CAMKMT: variants seen among roughly 807,000 people sequenced by gnomAD.
CAMKMT encodes calmodulin-lysine N-methyltransferase, also known as CaM KMT.
Under a neutral mutation model 48.0 loss-of-function variants are expected in CAMKMT, and 53 were observed. That is an observed-to-expected ratio of 1.10 (90% CI 0.89 to 1.39). The LOEUF is 1.39. Among genes scored for constraint, CAMKMT ranks in the 40% most tolerant of loss-of-function variants. The probability of loss-of-function intolerance (pLI) is 0.00; values close to 1 mark genes in which losing one functional copy is unlikely to be tolerated. For synonymous variants in CAMKMT, 165 were observed against 152.3 expected (o/e 1.08, Z -0.61); for missense variants, 428 against 402.7 (o/e 1.06, Z -0.54).
intron 3 of CAMKMT, among the ~76,000 whole-genome samples, chr2:44,566,261 C>T (rs1208981438): frequency 6.6e-6 from 1 of 152,144 alleles, no homozygotes; most frequent in Non-Finnish European, 1.5e-5. Flanking sequence ...CATGATGAAG[C>T]AGCAAGCCAA....
At chr2:44,381,757 A>G (rs1053125184) in intron 2 of CAMKMT, among the ~76,000 whole-genome samples, 1 of 152,188 alleles carries the variant, frequency 6.6e-6, no homozygotes, top group Non-Finnish European at 1.5e-5. Context: ...CAGTTCTTTA[A>G]TAAAAGGAAT....
At chr2:44,574,184 T>G (rs1165551536) in intron 3 of CAMKMT, among the ~76,000 whole-genome samples, 1 of 152,200 alleles carries the variant, frequency 6.6e-6, no homozygotes, top group Non-Finnish European at 1.5e-5. Context: ...GAAACGGCTA[T>G]TATACAATGC....
chr2:44,431,713 A>G (rs574311814), intron 3 of CAMKMT, among the ~76,000 whole-genome samples: 8 of 152,182 alleles, frequency 5.3e-5, no homozygotes, highest in African/African-American at 1.9e-4. Flanking sequence ...CTCACATTCT[A>G]TTGTTGAGAT....
chr2:44,487,384 T>C (rs961348645), intron 3 of CAMKMT, among the ~76,000 whole-genome samples: 1 of 152,232 alleles, frequency 6.6e-6, no homozygotes, highest in Non-Finnish European at 1.5e-5. Flanking sequence ...GAGTTTTTAG[T>C]ATTTGTTTAT....
intron 3 of CAMKMT, among the ~76,000 whole-genome samples, chr2:44,682,729 G>A (rs77904807): frequency 3.3e-4 from 50 of 152,210 alleles, no homozygotes; most frequent in African/African-American, 1.1e-3. Context: ...ATCGAGAAAC[G>A]TTGAAAATAT....
chr2:44,484,498 T>C (rs1669118606), intron 3 of CAMKMT, among the ~76,000 whole-genome samples: 1 of 152,014 alleles, frequency 6.6e-6, no homozygotes, highest in Non-Finnish European at 1.5e-5. Context: ...TTTAATAAAA[T>C]ATTCTGATTC....
intron 3 of CAMKMT, among the ~76,000 whole-genome samples, chr2:44,603,997 C>A (rs1671145784): frequency 6.6e-6 from 1 of 152,166 alleles, no homozygotes; most frequent in East Asian, 1.9e-4. Context: ...AATTGCTTAC[C>A]TCTTTCTCCT....
chr2:44,469,438 T>G (rs547441337), intron 3 of CAMKMT, among the ~76,000 whole-genome samples: 63 of 152,262 alleles, frequency 4.1e-4, no homozygotes, highest in Admixed American at 3.7e-3. Context: ...TGCGTAGCTT[T>G]AAGTATATTT....
intron 3 of CAMKMT, among the ~76,000 whole-genome samples, chr2:44,427,822 T>C (rs1684376746): frequency 1.3e-5 from 2 of 152,082 alleles, no homozygotes; most frequent in South Asian, 4.1e-4. Context: ...AATGTGATAG[T>C]GAAATGGGAG....
intron 3 of CAMKMT, among the ~76,000 whole-genome samples, chr2:44,525,969 T>C (rs2104811880): frequency 6.6e-6 from 1 of 152,304 alleles, no homozygotes; most frequent in Non-Finnish European, 1.5e-5. Context: ...TAACTCGTCA[T>C]TTAGCATTAG....
intron 3 of CAMKMT, among the ~76,000 whole-genome samples, chr2:44,521,186 T>C (rs941373373): frequency 6.6e-6 from 1 of 152,232 alleles, no homozygotes; most frequent in Non-Finnish European, 1.5e-5. Flanking sequence ...TTTACGTTTA[T>C]TAGATGCTCT....
chr2:44,475,813 C>A (rs533076808), intron 3 of CAMKMT, among the ~76,000 whole-genome samples: 1 of 152,168 alleles, frequency 6.6e-6, no homozygotes, highest in Non-Finnish European at 1.5e-5. Context: ...GATGGACCTA[C>A]GAACAGGACC....
At chr2:44,518,172 A>G (rs1670927673) in intron 3 of CAMKMT, among the ~76,000 whole-genome samples, 1 of 151,838 alleles carries the variant, frequency 6.6e-6, no homozygotes, top group African/African-American at 2.4e-5. Context: ...TTTTTTTTTC[A>G]AGAAAATTTA....
In CAMKMT at chr2:44,365,970, C is replaced by G. The variant is rs773155220; in HGVS notation, c.138+3825C>G. ...TTGGTTAAGAGGTGAATTGTAATAA[C>G]GATACATATTCCAAGTGAAGTTATT... On this transcript the variant is annotated intron_variant, in intron 1 of 10. Coordinates refer to ENST00000378494, the MANE Select transcript of CAMKMT (RefSeq NM_024766.5). Among the ~76,000 whole-genome samples the G allele has an allele frequency of 3.3e-5, 5 of 152,272 alleles. No individual in the cohort carries two copies. In the East Asian group the frequency reaches 9.6e-4, roughly 29 times the overall value.
intron 3 of CAMKMT, among the ~76,000 whole-genome samples, chr2:44,586,485 A>C (rs1052502792): frequency 6.6e-6 from 1 of 151,948 alleles, no homozygotes; most frequent in South Asian, 2.1e-4. Context: ...CTATAGATTC[A>C]TTTTCATTTT....
intron 3 of CAMKMT, among the ~76,000 whole-genome samples, chr2:44,615,841 C>T (rs1671859824): frequency 6.6e-6 from 1 of 152,056 alleles, no homozygotes; most frequent in African/African-American, 2.4e-5. Flanking sequence ...ATGAGAGATG[C>T]CAACTGTGCA....
At chr2:44,503,835 C>G (rs946157365) in intron 3 of CAMKMT, among the ~76,000 whole-genome samples, 2 of 152,092 alleles carry the variant, frequency 1.3e-5, no homozygotes, top group African/African-American at 2.4e-5. Context: ...GATCAAGGTG[C>G]CTCCAGATTC....
chr2:44,488,625 C>T (rs1669326840), intron 3 of CAMKMT, among the ~76,000 whole-genome samples: 1 of 151,824 alleles, frequency 6.6e-6, no homozygotes, highest in African/African-American at 2.4e-5. Context: ...TCACTTGAGC[C>T]CAGGAAGTGA....
chr2:44,684,615 C>A (rs1462239002), intron 3 of CAMKMT, among the ~76,000 whole-genome samples: 1 of 152,072 alleles, frequency 6.6e-6, no homozygotes, highest in Non-Finnish European at 1.5e-5. Context: ...CAGATAAGCC[C>A]CAGATATGAG....
Sources: gnomAD v4.1 joint callset for allele counts (sites outside exome capture counted in the v4.1 genomes callset) on GRCh38, gnomAD v4.1.1 for gene constraint, MANE v1.5 for transcripts, NCBI Gene and HGNC (gene_info 2026-07-23, HGNC 2026-07-21) for gene names.